Variants in CCPG1 observed in about 807,000 individuals in gnomAD.
The protein encoded by CCPG1 is cell cycle progression 1.
In CCPG1, 46 loss-of-function variants were observed where a neutral mutation model predicts 81.3. That is an observed-to-expected ratio of 0.57 (90% CI 0.45 to 0.72). The LOEUF is 0.72. Ranked by LOEUF, CCPG1 falls within the 30% of genes least tolerant of loss-of-function variation. The pLI is 0.00. For missense variants in CCPG1, 902 were observed against 937.6 expected (o/e 0.96, Z 0.50); for synonymous variants, 330 against 305.2 (o/e 1.08, Z -0.85).
intron 1 of CCPG1, among the ~76,000 whole-genome samples, chr15:55,402,623 T>C (rs2057148460): frequency 6.6e-6 from 1 of 152,206 alleles, no homozygotes; most frequent in African/African-American, 2.4e-5. Flanking sequence ...GATCCTCTCA[T>C]AGCCAGAGAT....
At chr15:55,372,765 G>A in intron 5 of CCPG1, 2 of 294,006 alleles carry the variant, frequency 6.8e-6, no homozygotes, top group South Asian at 6.4e-5. Context: ...GGTAATTTAA[G>A]TGCAACTATT....
Position 55,376,316 on chromosome 15 carries a change from GA to G in CCPG1, c.454+632del, listed in dbSNP as rs1466657645. ...AAACTGAGCTGAAGCATAGCAGAAA[GA>G]AATCAAGCAACTCACACTTTAATCT... On this transcript the variant is annotated intron_variant, in intron 5 of 8. Transcript: ENST00000442196. Among the ~76,000 whole-genome samples the G allele has an allele frequency of 3.3e-5, 5 of 152,190 alleles. No homozygotes were observed. The East Asian group carries it at 9.6e-4, about 29-fold the overall frequency.
chr15:55,369,430 G>A (rs889223478), intron 6 of CCPG1, among the ~76,000 whole-genome samples: 1 of 151,994 alleles, frequency 6.6e-6, no homozygotes, highest in African/African-American at 2.4e-5. Context: ...AGATACTCGG[G>A]AGGCTGAGGC....
intron 1 of CCPG1, 111 bp from the exon 2 acceptor site, chr15:55,389,544 C>T (rs943682177): frequency 1.4e-6 from 1 of 722,482 alleles, no homozygotes; most frequent in Non-Finnish European, 2.5e-6. Flanking sequence ...CCAGGTGAAA[C>T]AGAGACAAGC....
At chr15:55,380,685 A>C (rs980693136) in intron 3 of CCPG1, among the ~76,000 whole-genome samples, 8 of 152,096 alleles carry the variant, frequency 5.3e-5, no homozygotes, top group Admixed American at 2.0e-4. Flanking sequence ...CAGAAAATTA[A>C]TTAATTTAGA....
chr15:55,389,159 C>A (rs2056864940), intron 2 of CCPG1, among the ~76,000 whole-genome samples: 1 of 150,758 alleles, frequency 6.6e-6, no homozygotes, highest in Non-Finnish European at 1.5e-5. Context: ...TAAATATTTG[C>A]CTAATGTCTC....
At chr15:55,357,178 C>T (rs2056096686) in intron 8 of CCPG1, 1 of 932,546 alleles carries the variant, frequency 1.1e-6, no homozygotes, top group Non-Finnish European at 1.3e-6. Flanking sequence ...ACACAATTCT[C>T]ATCTCCAATT....
At chr15:55,361,926 A>G (rs947515095) in intron 7 of CCPG1, among the ~76,000 whole-genome samples, 1 of 152,188 alleles carries the variant, frequency 6.6e-6, no homozygotes, top group African/African-American at 2.4e-5. Context: ...TTGAACATTT[A>G]TAACTAACTT....
At chr15:55,386,193 C>CA (rs34646724) in intron 2 of CCPG1, among the ~76,000 whole-genome samples, 2,084 of 103,788 alleles carry the variant, frequency 0.02, 51 homozygotes, top group African/African-American at 0.08. Flanking sequence ...AATTCCGTCT[C>CA]AAAAAAAAAA....
rs1238641087 is a variant in CCPG1, at chr15:55,355,417, G to A, written c.*803C>T. On this transcript the variant is annotated 3_prime_UTR_variant, in exon 9 of 9. Transcript: ENST00000442196. The stretch of plus-strand genomic sequence containing the variant: ...GGAAGTTAAAAGGGAAATTCAACAT[G>A]AAGATGAAATTCTGAACTTTCCTAG... 4.4e-6 allele frequency: 7 copies of A among 1,606,694 alleles called. No homozygotes were observed. Among genetic ancestry groups the A allele is most frequent in the Non-Finnish European group, 5.9e-6 (7 of 1,177,240 alleles).
intron 1 of CCPG1, among the ~76,000 whole-genome samples, chr15:55,397,629 T>C (rs2057046524): frequency 6.6e-6 from 1 of 152,016 alleles, no homozygotes; most frequent in East Asian, 1.9e-4. Context: ...AGTACTAGAA[T>C]GGAATAGCTA....
In CCPG1 at chr15:55,359,443, C is replaced by T. The variant is rs954278763; in HGVS notation, c.2234+96G>A. On this transcript the variant is annotated intron_variant, in intron 8 of 8. Transcript: ENST00000442196. Reference sequence around the variant, plus strand: ...GGCCATAAAGCACAACTCTTAGAAACGGTAACCTTACAAGAAACTCATCAA... The same window carrying T: ...GGCCATAAAGCACAACTCTTAGAAATGGTAACCTTACAAGAAACTCATCAA... 22 of 1,484,070 alleles carry T rather than the reference C, an allele frequency of 1.5e-5. No homozygotes were observed. In the East Asian group the frequency reaches 2.3e-4, roughly 16 times the overall value. 91.9% of individuals were successfully genotyped at this position (1,484,070 alleles called of 1,614,324 possible).
Position 55,356,204 on chromosome 15 carries a change from T to A in CCPG1, c.*16A>T. On this transcript the variant is annotated 3_prime_UTR_variant, in exon 9 of 9. Transcript: ENST00000442196. ...AATTTTTCTCTTACAGTTGTCTAAT[T>A]TAACTCAATTGTGAATCAGTATTGA... The A allele has an allele frequency of 6.6e-7, 1 of 1,515,660 alleles. No homozygotes were observed. The highest frequency in any genetic ancestry group is 2.2e-5 in the Admixed American group (1 of 45,466). 93.9% of individuals were successfully genotyped at this position (1,515,660 alleles called of 1,614,324 possible). A position where few individuals can be genotyped will look rare whatever the true frequency, so the allele number is the denominator to read the frequency against.
chr15:55,403,540 G>T (rs985030061), intron 1 of CCPG1, among the ~76,000 whole-genome samples: 3 of 151,946 alleles, frequency 2.0e-5, no homozygotes, highest in Admixed American at 6.6e-5. Context: ...TACCCTTTGG[G>T]GGAAAAAATC....
intron 1 of CCPG1, among the ~76,000 whole-genome samples, chr15:55,402,818 C>G (rs1306910441): frequency 6.6e-6 from 1 of 152,202 alleles, no homozygotes; most frequent in African/African-American, 2.4e-5. Flanking sequence ...TATTGTCAAA[C>G]TAGACTGATG....
chr15:55,369,534 C>CAAA (rs765401273), intron 6 of CCPG1, among the ~76,000 whole-genome samples: 1 of 129,732 alleles, frequency 7.7e-6, no homozygotes. Context: ...AACTCTGTCT[C>CAAA]AAAAAAAAAA....
Position 55,406,396 on chromosome 15 carries a change from A to G in CCPG1, c.-10+1825T>C, listed in dbSNP as rs368368957. Among the ~76,000 whole-genome samples, 4 of 148,596 alleles carry G rather than the reference A, an allele frequency of 2.7e-5. No individual in the cohort carries two copies. The East Asian group carries it at 7.9e-4, about 30-fold the overall frequency. On this transcript the variant is annotated intron_variant, in intron 1 of 8. Coordinates refer to ENST00000442196, the MANE Select transcript of CCPG1 (RefSeq NM_001204450.2). ...TTCTAGTTTCACTATCTACACTTTT[A>G]TAACTGTGAATATCCTTTATTTCTT...
intron 2 of CCPG1, among the ~76,000 whole-genome samples, chr15:55,388,897 G>T: frequency 6.6e-6 from 1 of 151,670 alleles, no homozygotes; most frequent in East Asian, 1.9e-4. Context: ...GGTGAAACTC[G>T]TCTCTACTGA....
intron 8 of CCPG1, chr15:55,358,834 T>A (rs1200079662): frequency 1.0e-6 from 1 of 976,574 alleles, no homozygotes; most frequent in African/African-American, 1.8e-5. Context: ...CCAGAATCAG[T>A]CTCATTATTT....
Sources: allele counts gnomAD v4.1 joint callset (sites outside exome capture counted in the v4.1 genomes callset), GRCh38; gene constraint gnomAD v4.1.1; transcripts MANE v1.5; gene names NCBI Gene and HGNC (gene_info 2026-07-23, HGNC 2026-07-21).